The following MAST2 variants were observed in gnomAD, a reference collection of about 807,000 sequenced individuals.
MAST2 encodes microtubule-associated serine/threonine-protein kinase 2.
In MAST2, 70 loss-of-function variants were observed where a neutral mutation model predicts 147.4. The observed-to-expected ratio is 0.47, with a 90% confidence interval of 0.39 to 0.58. MAST2 has a LOEUF of 0.58. MAST2 is among the 20% of genes least tolerant of loss of function. The probability of loss-of-function intolerance (pLI) is 0.00; values close to 1 mark genes in which losing one functional copy is unlikely to be tolerated. For missense variants in MAST2, 2,080 were observed against 2,302.3 expected (o/e 0.90, Z 1.98); for synonymous variants, 869 against 896.8 (o/e 0.97, Z 0.55).
In MAST2 at chr1:45,804,056, C is replaced by T; in HGVS notation, c.161C>T (p.Pro54Leu). The T allele has an allele frequency of 1.6e-6, 2 of 1,277,230 alleles. No individual in the cohort carries two copies. 79.1% of individuals were successfully genotyped at this position (1,277,230 alleles called of 1,614,324 possible). Reference sequence around the variant, plus strand: ...GAGGAGCGGACGGGCCCCGCGGGGCCCGAGGGCAAGGAGCAGGTAGGGCGG... The same window carrying T: ...GAGGAGCGGACGGGCCCCGCGGGGCTCGAGGGCAAGGAGCAGGTAGGGCGG... ...RLEERTGPAG[P>L]EGKEQDVVTG... Residue 54 changes from proline to leucine, a missense_variant, in exon 1 of 29, where the codon CCC (proline) becomes CTC (leucine). Physicochemically the swap from Pro to Leu is moderately conservative, Grantham distance 98. Around this residue, in one of 4 missense-constraint regions of MAST2, gnomAD observed 569 missense variants for 642.5 expected, o/e 0.89. Coordinates refer to ENST00000361297, the MANE Select transcript of MAST2 (RefSeq NM_015112.3).
At chr1:46,011,055 C>G in intron 10 of MAST2, 116 bp downstream of exon 10, 1 of 850,560 alleles carries the variant, frequency 1.2e-6, no homozygotes, top group East Asian at 2.7e-5. Context: ...TGCTTGTTAC[C>G]CACCCTCAAA....
At chr1:45,919,822 A>C (rs1019336435) in intron 4 of MAST2, among the ~76,000 whole-genome samples, 1 of 151,700 alleles carries the variant, frequency 6.6e-6, no homozygotes, top group Non-Finnish European at 1.5e-5. Context: ...AGACTTACTA[A>C]CATGTGTGGT....
chr1:45,933,252 G>A (rs1194431049), intron 4 of MAST2, among the ~76,000 whole-genome samples: 1 of 141,472 alleles, frequency 7.1e-6, no homozygotes, highest in Non-Finnish European at 1.5e-5. Context: ...GGGGTTGGGG[G>A]GGGCAAATGT....
At chr1:45,888,399 G>A (rs1233454423) in intron 4 of MAST2, among the ~76,000 whole-genome samples, 2 of 151,914 alleles carry the variant, frequency 1.3e-5, no homozygotes, top group African/African-American at 4.8e-5. Context: ...GTCTCGCTCT[G>A]TGGTCCAAGC....
At chr1:45,804,654 G>T (rs1041909921) in intron 1 of MAST2, among the ~76,000 whole-genome samples, 6 of 152,172 alleles carry the variant, frequency 3.9e-5, no homozygotes, top group Non-Finnish European at 7.3e-5. Context: ...AACAGAATTC[G>T]TAGATATATG....
intron 4 of MAST2, among the ~76,000 whole-genome samples, chr1:45,904,318 C>T (rs770255116): frequency 4.6e-5 from 7 of 151,936 alleles, no homozygotes; most frequent in Non-Finnish European, 7.4e-5. Context: ...GGATTACAGG[C>T]GCCTGCCACC....
intron 3 of MAST2, among the ~76,000 whole-genome samples, chr1:45,835,359 A>G (rs928123296): frequency 2.0e-5 from 3 of 152,144 alleles, no homozygotes; most frequent in African/African-American, 7.2e-5. Context: ...TCGTTAGAAA[A>G]CAATTCTACT....
intron 5 of MAST2, among the ~76,000 whole-genome samples, chr1:45,967,790 T>G (rs370673634): frequency 6.6e-6 from 1 of 152,334 alleles, no homozygotes; most frequent in African/African-American, 2.4e-5. Flanking sequence ...AAAGGTCCAC[T>G]GTAATCCAAA....
In MAST2 at chr1:45,850,072, G is replaced by T. The variant is rs116198134; in HGVS notation, c.468+20491G>T. 6.7e-3 allele frequency among the ~76,000 whole-genome samples: 1,015 copies of T among 152,278 alleles called. 12 individuals carry two copies. The highest frequency in any genetic ancestry group is 0.024 in the African/African-American group (979 of 41,544). ...ACTAATTTACATTCCTACCAACAGT[G>T]TATACGTGTTCCCTTTTATCTGCAG... On this transcript the variant is annotated intron_variant, in intron 3 of 28. Coordinates refer to ENST00000361297, the MANE Select transcript of MAST2 (RefSeq NM_015112.3).
chr1:45,994,940 G>A (rs1318584378), intron 5 of MAST2, among the ~76,000 whole-genome samples: 6 of 151,432 alleles, frequency 4.0e-5, no homozygotes, highest in African/African-American at 1.2e-4. Flanking sequence ...CTGGGTTCAC[G>A]CCATTCTCCT....
At chr1:45,811,473 G>T (rs1459614952) in intron 1 of MAST2, among the ~76,000 whole-genome samples, 2 of 151,170 alleles carry the variant, frequency 1.3e-5, no homozygotes, top group Non-Finnish European at 2.9e-5. Context: ...GGAGTAGCTG[G>T]GACTACAGGC....
At chr1:45,829,856 A>G (rs1644899639) in intron 3 of MAST2, among the ~76,000 whole-genome samples, 1 of 151,608 alleles carries the variant, frequency 6.6e-6, no homozygotes, top group Non-Finnish European at 1.5e-5. Context: ...CAGGCTAAGA[A>G]TGAAATTTTT....
intron 3 of MAST2, among the ~76,000 whole-genome samples, chr1:45,873,359 A>AT (rs1208790048): frequency 1.3e-5 from 2 of 151,222 alleles, no homozygotes; most frequent in African/African-American, 4.9e-5. Flanking sequence ...CTCCTGGCTA[A>AT]TTTTTTTTGA....
chr1:46,023,690 T>G lies in MAST2; in HGVS notation c.1572-82T>G. ...CTTGTTCTGTGCATTAATTAAGGTG[T>G]GAGAGAAGGCAGTTTGGGTGGCAGA... is the stretch of plus-strand genomic sequence containing the variant. On this transcript the variant is annotated intron_variant, in intron 14 of 28. Transcript: ENST00000361297. This position sits in a 1 kb window ranked among gnomAD's most constrained non-coding sequence, Gnocchi z 4.9. The G allele has an allele frequency of 1.6e-6, 2 of 1,273,720 alleles. No homozygotes were observed. The highest frequency in any genetic ancestry group is 2.2e-6 in the Non-Finnish European group (2 of 899,020). The allele number at this position is 1,273,720 out of a possible 1,614,324, so 78.9% of individuals were successfully genotyped here. A position where few individuals can be genotyped will look rare whatever the true frequency, so the allele number is the denominator to read the frequency against.
chr1:45,820,368 C>T (rs1160817235), intron 1 of MAST2, among the ~76,000 whole-genome samples: 10 of 152,120 alleles, frequency 6.6e-5, no homozygotes, highest in Non-Finnish European at 1.5e-5. Flanking sequence ...GATCTTTTCT[C>T]ACTTCCTTTT....
intron 6 of MAST2, 100 bp from the exon 7 acceptor site, chr1:46,002,705 A>G: frequency 4.2e-6 from 4 of 942,646 alleles, no homozygotes; most frequent in Non-Finnish European, 7.0e-6. Context: ...GGAGCCCTAC[A>G]GTGAATCAAC....
chr1:45,964,471 C>G (rs1254736169), intron 5 of MAST2, among the ~76,000 whole-genome samples: 1 of 152,134 alleles, frequency 6.6e-6, no homozygotes. Context: ...AGGAATTTAT[C>G]CATTTCTTCT....
intron 4 of MAST2, among the ~76,000 whole-genome samples, chr1:45,938,606 T>TGTC (rs776366408): frequency 6.6e-6 from 1 of 152,236 alleles, no homozygotes; most frequent in East Asian, 1.9e-4. Flanking sequence ...AGATTACAGG[T>TGTC]GTCAGCCACT....
At chr1:45,890,357 T>C (rs1647544995) in intron 4 of MAST2, among the ~76,000 whole-genome samples, 1 of 152,204 alleles carries the variant, frequency 6.6e-6, no homozygotes, top group South Asian at 2.1e-4. Flanking sequence ...TTATGCAAAC[T>C]AGTAGTCCAA....
Sources: gnomAD v4.1 joint callset for allele counts (sites outside exome capture counted in the v4.1 genomes callset) on GRCh38, gnomAD v4.1.1 for gene constraint, gnomAD v4.1.1 regional missense constraint, Gnocchi (gnomAD v3.1) non-coding constraint, MANE v1.5 for transcripts, NCBI Gene and HGNC (gene_info 2026-07-23, HGNC 2026-07-21) for gene names.